The following SRGAP1 variants were observed in gnomAD, a reference collection of about 807,000 sequenced individuals.
The protein encoded by SRGAP1 is SLIT-ROBO Rho GTPase-activating protein 1.
A neutral mutation model predicts 121.9 loss-of-function variants in SRGAP1; 43 were observed. The ratio of observed to expected loss-of-function variants is 0.35; its 90% CI spans 0.28 to 0.46. The LOEUF (loss-of-function observed/expected upper bound fraction) is 0.46. Among genes scored for constraint, SRGAP1 ranks in the 20% least tolerant of loss-of-function variants. The pLI is 1.00. For missense variants in SRGAP1, 1,102 were observed against 1,350.9 expected (o/e 0.82, Z 2.89); for synonymous variants, 447 against 485.4 (o/e 0.92, Z 1.04).
At chr12:63,945,771 T>C (rs1477273849) in intron 1 of SRGAP1, among the ~76,000 whole-genome samples, 1 of 152,180 alleles carries the variant, frequency 6.6e-6, no homozygotes, top group East Asian at 1.9e-4. Flanking sequence ...GTGAAGTGGC[T>C]CTCTTTAGCC....
intron 1 of SRGAP1, among the ~76,000 whole-genome samples, chr12:63,899,297 A>G (rs1900853615): frequency 6.6e-6 from 1 of 152,000 alleles, no homozygotes; most frequent in East Asian, 1.9e-4. Context: ...TAGGAGTGCC[A>G]TTGTACTCCT....
chr12:63,859,009 T>TTA (rs1325551213), intron 1 of SRGAP1, among the ~76,000 whole-genome samples: 1 of 152,190 alleles, frequency 6.6e-6, no homozygotes, highest in Non-Finnish European at 1.5e-5. Context: ...GGCCGATAAA[T>TTA]TATATTTTTC....
intron 1 of SRGAP1, among the ~76,000 whole-genome samples, chr12:63,960,959 C>T (rs1285739472): frequency 2.0e-5 from 3 of 152,118 alleles, no homozygotes; most frequent in Non-Finnish European, 4.4e-5. Context: ...TTCTGCACTC[C>T]AGAACTATAA....
At chr12:64,024,496 G>A (rs986535863) in intron 4 of SRGAP1, among the ~76,000 whole-genome samples, 1 of 152,160 alleles carries the variant, frequency 6.6e-6, no homozygotes, top group Non-Finnish European at 1.5e-5. Flanking sequence ...TTTGGGTGCA[G>A]CCTTTCATTT....
intron 1 of SRGAP1, among the ~76,000 whole-genome samples, chr12:63,949,140 TAC>T (rs1307949673): frequency 3.1e-4 from 46 of 146,684 alleles, no homozygotes; most frequent in African/African-American, 9.7e-4. Context: ...TCCATATATA[TAC>T]ATTCATATAT....
chr12:64,095,624 G>A (rs931339194), intron 14 of SRGAP1, among the ~76,000 whole-genome samples: 7 of 152,072 alleles, frequency 4.6e-5, no homozygotes, highest in African/African-American at 1.7e-4. Context: ...TGTGACCCTA[G>A]GGGGTGCCTT....
At chr12:64,051,565 T>C (rs1263682377) in intron 6 of SRGAP1, among the ~76,000 whole-genome samples, 1 of 152,230 alleles carries the variant, frequency 6.6e-6, no homozygotes, top group African/African-American at 2.4e-5. Flanking sequence ...TCATTGACAC[T>C]GTATTTAATG....
chr12:64,038,728 T>G (rs1159690897), intron 4 of SRGAP1: 1 of 152,242 alleles, frequency 6.6e-6, no homozygotes, highest in Non-Finnish European at 1.5e-5. Context: ...CGTTTTCTAC[T>G]TGACTATTTT....
rs538911712 is a variant in SRGAP1, at chr12:63,873,228, A to T, written c.67+28345A>T. On this transcript the variant is annotated intron_variant, in intron 1 of 21. Transcript: ENST00000355086. The stretch of plus-strand genomic sequence containing the variant: ...CTAATCCCATTGTCCCATTTTCTAG[A>T]TTAGAAAACTGAGGAAAGTTGGCCG... Among the ~76,000 whole-genome samples, 12 of 152,238 alleles carry T rather than the reference A, an allele frequency of 7.9e-5. No homozygotes were observed. The South Asian group carries it at 1.9e-3, about 24-fold the overall frequency.
chr12:63,868,450 A>T (rs1364805918), intron 1 of SRGAP1, among the ~76,000 whole-genome samples: 3 of 152,014 alleles, frequency 2.0e-5, no homozygotes, highest in African/African-American at 7.3e-5. Flanking sequence ...ATCTCAGCTC[A>T]CTGCAGTCTT....
At chr12:64,084,747 G>T (rs568849501) in intron 10 of SRGAP1, among the ~76,000 whole-genome samples, 48 of 152,158 alleles carry the variant, frequency 3.2e-4, no homozygotes, top group African/African-American at 1.1e-3. Flanking sequence ...GGAATAATTT[G>T]TTAGGATATT....
intron 1 of SRGAP1, among the ~76,000 whole-genome samples, chr12:63,981,774 C>A (rs1032302417): frequency 6.6e-6 from 1 of 152,162 alleles, no homozygotes; most frequent in Non-Finnish European, 1.5e-5. Flanking sequence ...CCTGTTTTCC[C>A]CCAGGACTCC....
At chr12:63,930,184 G>C (rs977577266) in intron 1 of SRGAP1, among the ~76,000 whole-genome samples, 6 of 151,878 alleles carry the variant, frequency 4.0e-5, no homozygotes, top group African/African-American at 1.2e-4. Context: ...ACAGAAATTC[G>C]TAACACTCAA....
At chr12:64,034,250 A>G (rs2034849465) in intron 4 of SRGAP1, among the ~76,000 whole-genome samples, 2 of 152,026 alleles carry the variant, frequency 1.3e-5, no homozygotes, top group Admixed American at 1.3e-4. Context: ...GGCTGTTTAA[A>G]AGTGTGTAGC....
At chr12:63,918,884 G>A (rs2030912742) in intron 1 of SRGAP1, among the ~76,000 whole-genome samples, 1 of 152,180 alleles carries the variant, frequency 6.6e-6, no homozygotes, top group Non-Finnish European at 1.5e-5. Flanking sequence ...TCTAATGGGA[G>A]AGACTTAAAA....
intron 1 of SRGAP1, among the ~76,000 whole-genome samples, chr12:63,869,308 C>A (rs1427032387): frequency 6.6e-6 from 1 of 152,174 alleles, no homozygotes; most frequent in Non-Finnish European, 1.5e-5. Context: ...GAGCCCACTC[C>A]AGAGATAACA....
intron 4 of SRGAP1, among the ~76,000 whole-genome samples, chr12:64,018,154 A>G (rs937847071): frequency 6.6e-6 from 1 of 152,140 alleles, no homozygotes; most frequent in African/African-American, 2.4e-5. Flanking sequence ...CAGTGGCACA[A>G]TCTCGGTCAC....
intron 1 of SRGAP1, among the ~76,000 whole-genome samples, chr12:63,853,995 G>A (rs1251781125): frequency 1.3e-5 from 2 of 152,158 alleles, no homozygotes; most frequent in Admixed American, 1.3e-4. Context: ...GTGTGTTTGG[G>A]AGAGCAAGCT....
intron 1 of SRGAP1, among the ~76,000 whole-genome samples, chr12:63,901,048 A>C (rs2029903297): frequency 6.6e-6 from 1 of 151,322 alleles, no homozygotes; most frequent in East Asian, 1.9e-4. Flanking sequence ...GGTTGCTGCT[A>C]TGTGGCTGTT....
Sources: gnomAD v4.1 joint callset for allele counts (sites outside exome capture counted in the v4.1 genomes callset) on GRCh38, gnomAD v4.1.1 for gene constraint, MANE v1.5 for transcripts, NCBI Gene and HGNC (gene_info 2026-07-23, HGNC 2026-07-21) for gene names.